ESRP1: variants seen among roughly 807,000 people sequenced by gnomAD.
ESRP1 encodes the protein epithelial splicing regulatory protein 1, also known as RNA-binding motif protein 35A.
ESRP1 carries 33 observed loss-of-function variants against 81.7 expected under a neutral mutation model. That is an observed-to-expected ratio of 0.40 (90% CI 0.31 to 0.54). ESRP1 has a LOEUF of 0.54. Ranked by LOEUF, ESRP1 falls within the 20% of genes least tolerant of loss-of-function variation. ESRP1 has a pLI of 0.41. For synonymous variants in ESRP1, 320 were observed against 303.3 expected (o/e 1.06, Z -0.57); for missense variants, 672 against 833.1 (o/e 0.81, Z 2.38).
At chr8:94,698,699 G>A (rs1167759969) in intron 15 of ESRP1, among the ~76,000 whole-genome samples, 5 of 152,178 alleles carry the variant, frequency 3.3e-5, no homozygotes, top group Non-Finnish European at 5.9e-5. Flanking sequence ...TGGCATGCTG[G>A]CATGTCATTT....
At position 94,645,307 on chromosome 8, in the gene ESRP1, G is replaced by A. The variant is rs1173491067; in HGVS notation, c.376-861G>A. On this transcript the variant is annotated intron_variant, in intron 3 of 15. Transcript: ENST00000433389. ...GTCTTAATTTCCTTGATGTTCTAAT[G>A]TAAAAATGGGTAAAAATTCCCAGCA... Among the ~76,000 whole-genome samples the A allele has an allele frequency of 4.6e-5, 7 of 151,984 alleles. No homozygotes were observed. In the South Asian group the frequency reaches 1.0e-3, roughly 22 times the overall value.
chr8:94,652,470 G>T (rs1017245425), intron 4 of ESRP1, among the ~76,000 whole-genome samples: 4 of 147,714 alleles, frequency 2.7e-5, no homozygotes, highest in Non-Finnish European at 4.5e-5. Context: ...AGGGACGGGG[G>T]CTTCTGTGGT....
intron 13 of ESRP1, among the ~76,000 whole-genome samples, chr8:94,681,142 G>A (rs571061257): frequency 6.6e-6 from 1 of 151,304 alleles, no homozygotes; most frequent in East Asian, 2.0e-4. Flanking sequence ...TGGCTAACAT[G>A]GTGAAACCCC....
intron 15 of ESRP1, among the ~76,000 whole-genome samples, chr8:94,699,262 C>A (rs989027961): frequency 1.3e-5 from 2 of 151,990 alleles, no homozygotes; most frequent in Admixed American, 1.3e-4. Flanking sequence ...AATAACAGAT[C>A]GGGCGCTGTG....
chr8:94,643,411 A>G lies in ESRP1; in HGVS notation c.370A>G (p.Lys124Glu), dbSNP rs1402440040. 4.3e-6 allele frequency: 7 copies of G among 1,609,526 alleles called. No individual in the cohort carries two copies. The highest frequency in any genetic ancestry group is 6.0e-6 in the Non-Finnish European group (7 of 1,175,792). The change falls in exon 3 of 16, where the codon AAG (lysine) becomes GAG (glutamate). Residue 124 changes from lysine (K) to glutamate (E), a missense_variant. By Grantham distance (56) the Lys-to-Glu change is moderately conservative. Coordinates refer to ENST00000433389, the MANE Select transcript of ESRP1 (RefSeq NM_017697.4). ...GCAAATCCTGCATCCTGAGGCTTCC[A>G]AGAAGGTAAGAGTGCTGGCTTCTGG... The part of the protein sequence containing the change: ...VRQILHPEAS[K>E]KNVLLPECFY...
intron 13 of ESRP1, among the ~76,000 whole-genome samples, chr8:94,680,722 C>T (rs970483364): frequency 2.0e-5 from 3 of 152,026 alleles, no homozygotes; most frequent in Non-Finnish European, 4.4e-5. Context: ...CCACCACGCT[C>T]GGTGAAAAAC....
At position 94,706,100 on chromosome 8, in the gene ESRP1, C is replaced by A; in HGVS notation, c.*211C>A. 3.0e-6 allele frequency: 2 copies of A among 657,884 alleles called. No homozygotes were observed. The highest frequency in any genetic ancestry group is 5.0e-6 in the Non-Finnish European group (2 of 398,072). The allele number at this position is 657,884 out of a possible 1,614,324, so 40.8% of individuals were successfully genotyped here. A position where few individuals can be genotyped will look rare whatever the true frequency, so the allele number is the denominator to read the frequency against. On this transcript the variant is annotated 3_prime_UTR_variant, in exon 16 of 16. Transcript: ENST00000433389. ...AAAATTTGAGCTAGTGAAGCCAAAT[C>A]GTAACTTACAGCAAGCAGCATGCAG...
chr8:94,682,760 TA>T (rs1808946538), intron 13 of ESRP1, among the ~76,000 whole-genome samples: 1 of 151,250 alleles, frequency 6.6e-6, no homozygotes, highest in Admixed American at 6.6e-5. Context: ...CATGCTTGTA[TA>T]AAAGCTTTAT....
At chr8:94,651,378 C>T (rs79027703) in intron 4 of ESRP1, among the ~76,000 whole-genome samples, 23,184 of 151,342 alleles carry the variant, frequency 0.15, 2,274 homozygotes, top group Non-Finnish European at 0.22. Flanking sequence ...CAGGCCTGCA[C>T]CACTGTGCCA....
At chr8:94,668,788 C>CGTGTGTGTGTGTGTGTGT (rs771754492) in intron 10 of ESRP1, among the ~76,000 whole-genome samples, 7 of 76,754 alleles carry the variant, frequency 9.1e-5, no homozygotes, top group African/African-American at 2.2e-4. Context: ...TAGCTTTCAG[C>CGTGTGTGTGTGTGTGTGT]ATGTGTGTGT....
At position 94,697,036 on chromosome 8, in the gene ESRP1, C is replaced by A. The variant is rs1809633780; in HGVS notation, c.*35+75C>A. On this transcript the variant is annotated intron_variant, in intron 15 of 15. Coordinates refer to ENST00000433389, the MANE Select transcript of ESRP1 (RefSeq NM_017697.4). ...CAAGATTCTGAAGGCATTTAGAAAT[C>A]AACTGAGAGAATCCTTCTTTTCTTT... 3 of 943,958 alleles carry A rather than the reference C, an allele frequency of 3.2e-6. No homozygotes were observed. The South Asian group carries it at 5.5e-5, about 17-fold the overall frequency. The allele number at this position is 943,958 out of a possible 1,614,324, so 58.5% of individuals were successfully genotyped here.
At chr8:94,695,928 T>C (rs74742267) in intron 14 of ESRP1, among the ~76,000 whole-genome samples, 3,096 of 152,130 alleles carry the variant, frequency 0.02, 96 homozygotes, top group African/African-American at 0.069. Flanking sequence ...CCACGCATGG[T>C]GGTGCATGCC....
intron 13 of ESRP1, among the ~76,000 whole-genome samples, chr8:94,686,431 G>A (rs142377678): frequency 3.6e-4 from 55 of 152,284 alleles, no homozygotes; most frequent in African/African-American, 1.3e-3. Flanking sequence ...CTGGATACAA[G>A]CCTTTGGAAC....
chr8:94,671,725 A>C, intron 11 of ESRP1, 54 bp downstream of exon 11: 7 of 1,238,254 alleles, frequency 5.7e-6, no homozygotes, highest in Non-Finnish European at 8.0e-6. Context: ...TACATATGAG[A>C]AATATCTAAT....
chr8:94,642,271 TC>T (rs1223203702), intron 2 of ESRP1, among the ~76,000 whole-genome samples, 187 bp downstream of exon 2: 4 of 152,172 alleles, frequency 2.6e-5, no homozygotes, highest in Non-Finnish European at 5.9e-5. Context: ...CTTCTCTTCA[TC>T]TCCCAGCCCC....
chr8:94,668,150 C>T lies in ESRP1; in HGVS notation c.1133C>T (p.Ala378Val). 3 of 1,613,986 alleles carry T rather than the reference C, an allele frequency of 1.9e-6. No homozygotes were observed. The highest frequency in any genetic ancestry group is 1.3e-5 in the African/African-American group (1 of 75,042). ...RPTGDAFVLF[A>V]CEEYAQNALR... The stretch of plus-strand genomic sequence containing the variant: ...ACAGGGGACGCTTTTGTCCTCTTTG[C>T]CTGTGAGGAATATGCACAGAATGCG... The change falls in exon 10 of 16, where the codon GCC (alanine) becomes GTC (valine). Residue 378 changes from alanine to valine, a missense_variant. Physicochemically the swap from Ala to Val is moderately conservative, Grantham distance 64. Coordinates refer to ENST00000433389, the MANE Select transcript of ESRP1 (RefSeq NM_017697.4).
chr8:94,685,618 G>A (rs370985519), intron 13 of ESRP1, among the ~76,000 whole-genome samples: 2 of 152,010 alleles, frequency 1.3e-5, no homozygotes, highest in Non-Finnish European at 2.9e-5. Flanking sequence ...CCTGGCCAAC[G>A]TGGCAAAACT....
At chr8:94,676,888 T>TA (rs1563536796) in intron 12 of ESRP1, among the ~76,000 whole-genome samples, 1 of 151,686 alleles carries the variant, frequency 6.6e-6, no homozygotes, top group Non-Finnish European at 1.5e-5. Context: ...CGCGGTGGCT[T>TA]ACGCCTGTAA....
At chr8:94,647,536 C>T (rs999976035) in intron 4 of ESRP1, among the ~76,000 whole-genome samples, 6 of 152,254 alleles carry the variant, frequency 3.9e-5, no homozygotes, top group South Asian at 4.1e-4. Context: ...AGGTAGCCAG[C>T]CACCTTTTCT....
Sources: gnomAD v4.1 joint callset for allele counts (sites outside exome capture counted in the v4.1 genomes callset) on GRCh38, gnomAD v4.1.1 for gene constraint, MANE v1.5 for transcripts, NCBI Gene and HGNC (gene_info 2026-07-23, HGNC 2026-07-21) for gene names.